CSMD1: variants seen among roughly 807,000 people sequenced by gnomAD.
CSMD1 encodes CUB and sushi domain-containing protein 1.
In CSMD1, 213 loss-of-function variants were observed where a neutral mutation model predicts 417.5. The observed-to-expected ratio is 0.51, with a 90% CI of 0.46 to 0.57. The LOEUF is 0.57. Among genes scored for constraint, CSMD1 ranks in the 20% least tolerant of loss-of-function variants. The probability of loss-of-function intolerance (pLI) is 0.00; values close to 1 mark genes in which losing one functional copy is unlikely to be tolerated. For synonymous variants in CSMD1, 2,862 were observed against 1,736.8 expected (o/e 1.65, Z -16.11); for missense variants, 6,923 against 4,529.7 (o/e 1.53, Z -15.17).
At chr8:4,140,197 A>G (rs1205586003) in intron 3 of CSMD1, among the ~76,000 whole-genome samples, 4 of 77,192 alleles carry the variant, frequency 5.2e-5, no homozygotes, top group African/African-American at 1.2e-4. Context: ...TAAAACCACA[A>G]AACAAATAAA....
intron 3 of CSMD1, among the ~76,000 whole-genome samples, chr8:4,336,245 G>A (rs570583880): frequency 1.3e-5 from 2 of 152,110 alleles, no homozygotes; most frequent in Non-Finnish European, 2.9e-5. Context: ...ACCCTTTAAA[G>A]GTCTTGCTCG....
intron 40 of CSMD1, among the ~76,000 whole-genome samples, chr8:3,145,692 G>T (rs1356342329): frequency 6.6e-6 from 1 of 152,136 alleles, no homozygotes; most frequent in Non-Finnish European, 1.5e-5. Context: ...TCAGCAAATT[G>T]CATCCAGTTT....
rs367569256 is a variant in CSMD1, at chr8:4,881,874, A to G, written c.85+112458T>C. The stretch of plus-strand genomic sequence containing the variant: ...TTATTTTGTTTTGTTATTTTTCAAC[A>G]CTTTTATGAGGCAGGGGAAAAACAT... On this transcript the variant is annotated intron_variant, in intron 1 of 69. Transcript: ENST00000635120. Among the ~76,000 whole-genome samples the G allele has an allele frequency of 2.0e-5, 3 of 152,044 alleles. No individual in the cohort carries two copies. In the East Asian group the frequency reaches 5.8e-4, roughly 29 times the overall value.
At chr8:3,289,275 C>T (rs139449703) in intron 25 of CSMD1, among the ~76,000 whole-genome samples, 5,792 of 146,934 alleles carry the variant, frequency 0.039, 444 homozygotes, top group Admixed American at 0.093. Flanking sequence ...TGAATAGTGC[C>T]GCTATAAACA....
chr8:3,997,341 G>A (rs773839056), intron 5 of CSMD1, among the ~76,000 whole-genome samples: 49 of 152,196 alleles, frequency 3.2e-4, no homozygotes, highest in Non-Finnish European at 5.0e-4. Context: ...CTCTACTGGG[G>A]TACACACCAG....
At chr8:4,515,017 T>C (rs1382857268) in intron 2 of CSMD1, among the ~76,000 whole-genome samples, 2 of 152,200 alleles carry the variant, frequency 1.3e-5, no homozygotes, top group Non-Finnish European at 2.9e-5. Context: ...CAGCTTTCCA[T>C]TCTCAAAAGA....
At chr8:3,913,276 G>A (rs1047897432) in intron 5 of CSMD1, among the ~76,000 whole-genome samples, 1 of 152,146 alleles carries the variant, frequency 6.6e-6, no homozygotes, top group Non-Finnish European at 1.5e-5. Flanking sequence ...AAGCCATGGG[G>A]AGGTTTTTGT....
intron 3 of CSMD1, among the ~76,000 whole-genome samples, chr8:4,338,957 T>G (rs1800324479): frequency 6.6e-6 from 1 of 152,104 alleles, no homozygotes; most frequent in South Asian, 2.1e-4. Context: ...AACATAGGTC[T>G]GGGCATACAG....
chr8:4,429,369 A>G (rs1797741709), intron 2 of CSMD1, among the ~76,000 whole-genome samples: 1 of 152,100 alleles, frequency 6.6e-6, no homozygotes, highest in African/African-American at 2.4e-5. Flanking sequence ...CACATTTTAC[A>G]CACACACATC....
intron 10 of CSMD1, among the ~76,000 whole-genome samples, chr8:3,523,765 GCA>G (rs1394387625): frequency 1.4e-5 from 2 of 139,040 alleles, no homozygotes; most frequent in African/African-American, 5.5e-5. Flanking sequence ...ACACACACAT[GCA>G]CACACATGCA....
chr8:2,957,832 T>G (rs1177063336), intron 62 of CSMD1, 25 bp from the exon 63 acceptor site: 2 of 1,464,440 alleles, frequency 1.4e-6, no homozygotes, highest in Non-Finnish European at 1.9e-6. Context: ...CAATACTAGC[T>G]TCAGAGGCCA....
chr8:4,624,074 T>C (rs1801950739), intron 2 of CSMD1, among the ~76,000 whole-genome samples: 2 of 152,184 alleles, frequency 1.3e-5, no homozygotes, highest in Non-Finnish European at 2.9e-5. Context: ...AGCTCTTGCG[T>C]AAAGAAATCT....
In CSMD1 at chr8:4,792,794, G is replaced by A. The variant is rs569027856; in HGVS notation, c.86-155236C>T. ...TCACTCAGTACCATGCGTTCCAGGC[G>A]TACTTGTAATATTTAAAGTGACCAA... On this transcript the variant is annotated intron_variant, in intron 1 of 69. Coordinates refer to ENST00000635120, the MANE Select transcript of CSMD1 (RefSeq NM_033225.6). 1.8e-4 allele frequency among the ~76,000 whole-genome samples: 27 copies of A among 152,168 alleles called. No homozygotes were observed. In the South Asian group the frequency reaches 4.4e-3, roughly 25 times the overall value.
intron 2 of CSMD1, among the ~76,000 whole-genome samples, chr8:4,464,516 T>A (rs954706878): frequency 1.3e-5 from 2 of 152,214 alleles, no homozygotes; most frequent in African/African-American, 4.8e-5. Flanking sequence ...GAGTATCTCG[T>A]GTCATTTATT....
At chr8:3,982,129 G>C (rs1585074407) in intron 5 of CSMD1, among the ~76,000 whole-genome samples, 1 of 150,572 alleles carries the variant, frequency 6.6e-6, no homozygotes, top group Non-Finnish European at 1.5e-5. Context: ...CTGCACTCCA[G>C]CCTGGGTGAC....
rs539754850 is a variant in CSMD1 at position 3,560,988 on chromosome 8, C to T, written c.1344+13957G>A. ...AATGGGCAGTGAAAATTACAGTGAC[C>T]ACTCATTATTTAACAGCAATAAAAC... On this transcript the variant is annotated intron_variant, in intron 10 of 69. Transcript: ENST00000635120. Among the ~76,000 whole-genome samples the T allele has an allele frequency of 2.2e-4, 33 of 152,142 alleles. 2 individuals carry two copies. In the South Asian group the frequency reaches 6.9e-3, roughly 32 times the overall value.
chr8:4,913,375 A>C (rs1474729372), intron 1 of CSMD1, among the ~76,000 whole-genome samples: 4 of 152,110 alleles, frequency 2.6e-5, no homozygotes, highest in Admixed American at 2.6e-4. Context: ...GCGGGGGACC[A>C]TTGCTTTTTC....
At chr8:3,835,587 G>C (rs561211616) in intron 5 of CSMD1, among the ~76,000 whole-genome samples, 4 of 152,144 alleles carry the variant, frequency 2.6e-5, no homozygotes, top group East Asian at 3.9e-4. Context: ...GGGAGGGATA[G>C]CATTAGGAGA....
chr8:3,983,249 G>A (rs987958700), intron 5 of CSMD1, among the ~76,000 whole-genome samples: 1 of 151,180 alleles, frequency 6.6e-6, no homozygotes, highest in African/African-American at 2.4e-5. Flanking sequence ...TCCTGCCTCA[G>A]CCTCCCGAGT....
Sources: allele counts gnomAD v4.1 joint callset (sites outside exome capture counted in the v4.1 genomes callset), GRCh38; gene constraint gnomAD v4.1.1; transcripts MANE v1.5; gene names NCBI Gene and HGNC (gene_info 2026-07-23, HGNC 2026-07-21).